Variants in MMAB observed in about 807,000 individuals in gnomAD.
The protein encoded by MMAB is corrinoid adenosyltransferase MMAB.
MMAB carries 17 observed loss-of-function variants against 30.6 expected under a neutral mutation model. That is an observed-to-expected ratio of 0.56 (90% confidence interval 0.38 to 0.83). The LOEUF is 0.83. MMAB is among the 40% of genes least tolerant of loss of function. MMAB has a pLI of 0.00. For synonymous variants in MMAB, 134 were observed against 138.6 expected (o/e 0.97, Z 0.23); for missense variants, 311 against 331.6 (o/e 0.94, Z 0.48).
intron 7 of MMAB, 146 bp downstream of exon 7, chr12:109,560,894 A>C: frequency 1.3e-6 from 1 of 795,466 alleles, no homozygotes; most frequent in Non-Finnish European, 2.1e-6. Context: ...TGGCTCAGAG[A>C]TGGCCCTGCT....
In MMAB at chr12:109,561,199, C is replaced by T. The variant is rs773108775; in HGVS notation, c.520-95G>A. 5.7e-6 allele frequency: 9 copies of T among 1,592,712 alleles called. No homozygotes were observed. Among genetic ancestry groups the T allele is most frequent in the Admixed American group, 3.3e-5 (2 of 59,980 alleles). Reference sequence around the variant, plus strand: ...TGAAGTCCAGCCCTGCCCCCCAAACCGGGCAGTGTTCTGCCTCCAGGAGCC... The same window carrying T: ...TGAAGTCCAGCCCTGCCCCCCAAACTGGGCAGTGTTCTGCCTCCAGGAGCC... On this transcript the variant is annotated intron_variant, in intron 6 of 8. Coordinates refer to ENST00000545712, the MANE Select transcript of MMAB (RefSeq NM_052845.4). This position sits in a 1 kb window ranked among gnomAD's most constrained non-coding sequence, Gnocchi z 5.3.
rs1465138175 is a variant in MMAB, at chr12:109,561,462, C to T, written c.477G>A (p.Lys159=). Residue 159 remains lysine (K), a synonymous_variant, in exon 6 of 9, where the codon AAG becomes AAA. Transcript: ENST00000545712. This position sits in a 1 kb window ranked among gnomAD's most constrained non-coding sequence, Gnocchi z 5.3. ...PILELEQWID[K]YTSQLPPLTA... ...TGAGTGGTGGGAGCTGGCTGGTGTA[C>T]TTGTCGATCCACTGCTCCAGCTCCA... The T allele has an allele frequency of 6.4e-7, 1 of 1,550,626 alleles. No homozygotes were observed. Among genetic ancestry groups the T allele is most frequent in the Non-Finnish European group, 8.7e-7 (1 of 1,146,982 alleles).
rs1053960970 is a variant in MMAB at position 109,556,727 on chromosome 12, G to A, written c.*301C>T. The A allele has an allele frequency of 4.0e-5, 20 of 503,242 alleles. No homozygotes were observed. Among genetic ancestry groups the A allele is most frequent in the African/African-American group, 2.8e-4 (14 of 50,638 alleles). 31.2% of individuals were successfully genotyped at this position (503,242 alleles called of 1,614,324 possible). A position where few individuals can be genotyped will look rare whatever the true frequency, so the allele number is the denominator to read the frequency against. On this transcript the variant is annotated 3_prime_UTR_variant, in exon 9 of 9. Transcript: ENST00000545712. ...CCTTTCCAACTTTTATTCCTTTTCCGCACAGCTCCTTCTCATTGCAGCAAT... is the reference window on the plus strand; with the variant it reads ...CCTTTCCAACTTTTATTCCTTTTCCACACAGCTCCTTCTCATTGCAGCAAT...
At chr12:109,571,822 C>G in intron 1 of MMAB, 112 bp from the exon 2 acceptor site, 2 of 825,768 alleles carry the variant, frequency 2.4e-6, no homozygotes, top group Non-Finnish European at 4.2e-6. Flanking sequence ...AGCACTTACC[C>G]CTTACTGCTT....
chr12:109,570,597 T>C (rs1332263265), intron 2 of MMAB, among the ~76,000 whole-genome samples: 2 of 152,184 alleles, frequency 1.3e-5, no homozygotes, highest in African/African-American at 4.8e-5. Context: ...CTTGGTGCGG[T>C]AGCTCATGCC....
Position 109,573,212 on chromosome 12 carries a change from A to G in MMAB, c.134+135T>C, listed in dbSNP as rs932839935. ...TGGCGCCCACGTGGCCCACGTTGCC[A>G]TGGTGACGTCAGAACAGCGTGGAGA... On this transcript the variant is annotated intron_variant, in intron 1 of 8. Transcript: ENST00000545712. 6.5e-6 allele frequency: 8 copies of G among 1,227,368 alleles called. No homozygotes were observed. In the Admixed American group the frequency reaches 7.7e-5, roughly 12 times the overall value. 76.0% of individuals were successfully genotyped at this position (1,227,368 alleles called of 1,614,324 possible). A position where few individuals can be genotyped will look rare whatever the true frequency, so the allele number is the denominator to read the frequency against.
In MMAB at chr12:109,553,750, G is replaced by A; in HGVS notation, c.*3278C>T. 1 of 416,902 alleles carries A rather than the reference G, an allele frequency of 2.4e-6. No homozygotes were observed. The highest frequency in any genetic ancestry group is 4.8e-6 in the Non-Finnish European group (1 of 206,660). 25.8% of individuals were successfully genotyped at this position (416,902 alleles called of 1,614,324 possible). ...ATTCATGCGGAATTTATTATACAAAGAATTTTATTCAATTAAACTTGAAAT... is the reference window on the plus strand; with the variant it reads ...ATTCATGCGGAATTTATTATACAAAAAATTTTATTCAATTAAACTTGAAAT... On this transcript the variant is annotated 3_prime_UTR_variant, in exon 9 of 9. Coordinates refer to ENST00000545712, the MANE Select transcript of MMAB (RefSeq NM_052845.4).
chr12:109,561,045 CTCG>C lies in MMAB; in HGVS notation c.576_578del (p.Glu193del). On this transcript the variant is annotated inframe_deletion, in exon 7 of 9. Coordinates refer to ENST00000545712, the MANE Select transcript of MMAB (RefSeq NM_052845.4). The surrounding 1 kb of genome is among the most constrained non-coding windows in gnomAD (Gnocchi z 5.3). ...CCTCTCTCCAGCCCTCTTACCGTCT[CTCG>C]GCCCGGCGGCACACGGCCCGGCAGA... 6.2e-7 allele frequency: 1 copy of C among 1,602,864 alleles called. No individual in the cohort carries two copies. The highest frequency in any genetic ancestry group is 1.1e-5 in the South Asian group (1 of 90,970).
At chr12:109,571,747 G>A in intron 1 of MMAB, 37 bp from the exon 2 acceptor site, 4 of 1,586,314 alleles carry the variant, frequency 2.5e-6, no homozygotes, top group Non-Finnish European at 3.5e-6. Context: ...GGTGAGTGGG[G>A]ATGGCTTACA....
At position 109,554,342 on chromosome 12, in the gene MMAB, A is replaced by G. The variant is rs1356352541; in HGVS notation, c.*2686T>C. Reference sequence around the variant, plus strand: ...CTCTCTGACACAAGAGCCAACTGCCAGCTTGTCTCTGGAAATGACACTAAA... The same window carrying G: ...CTCTCTGACACAAGAGCCAACTGCCGGCTTGTCTCTGGAAATGACACTAAA... On this transcript the variant is annotated 3_prime_UTR_variant, in exon 9 of 9. Transcript: ENST00000545712. 4.4e-6 allele frequency: 2 copies of G among 453,994 alleles called. No individual in the cohort carries two copies. The highest frequency in any genetic ancestry group is 4.4e-6 in the Non-Finnish European group (1 of 226,804). The allele number at this position is 453,994 out of a possible 1,614,324, so 28.1% of individuals were successfully genotyped here.
In MMAB at chr12:109,554,409, T is replaced by A. The variant is rs778528128; in HGVS notation, c.*2619A>T. On this transcript the variant is annotated 3_prime_UTR_variant, in exon 9 of 9. Coordinates refer to ENST00000545712, the MANE Select transcript of MMAB (RefSeq NM_052845.4). ...GCCTGACCTGGAGGCGGAGGAGGCA[T>A]TTTCATGGGTGCAAAATGTAAGGAA... 18 of 453,900 alleles carry A rather than the reference T, an allele frequency of 4.0e-5. No homozygotes were observed. The highest frequency in any genetic ancestry group is 7.9e-5 in the Non-Finnish European group (18 of 226,782). The allele number at this position is 453,900 out of a possible 1,614,324, so 28.1% of individuals were successfully genotyped here. A position where few individuals can be genotyped will look rare whatever the true frequency, so the allele number is the denominator to read the frequency against.
At chr12:109,570,866 C>A (rs1206472908) in intron 2 of MMAB, among the ~76,000 whole-genome samples, 25 of 100,100 alleles carry the variant, frequency 2.5e-4, no homozygotes, top group African/African-American at 9.2e-4. Context: ...AGAGTAAAAC[C>A]CTGTATCAAA....
intron 7 of MMAB, among the ~76,000 whole-genome samples, chr12:109,559,904 C>T (rs759004670): frequency 2.6e-5 from 4 of 152,242 alleles, no homozygotes; most frequent in South Asian, 2.1e-4. Flanking sequence ...GCATGCTCAG[C>T]GAGGAGCTTC....
chr12:109,573,391 G>C lies in MMAB; in HGVS notation c.90C>G (p.Pro30=), dbSNP rs977547060. The C allele has an allele frequency of 6.2e-7, 1 of 1,612,442 alleles. No homozygotes were observed. Among genetic ancestry groups the C allele is most frequent in the Non-Finnish European group, 8.5e-7 (1 of 1,179,792 alleles). Residue 30 remains proline (P), a synonymous_variant, in exon 1 of 9, where the codon CCC becomes CCG. Transcript: ENST00000545712. The part of the protein sequence containing the change: ...GCFGAARLLY[P]RFQSRGPQGV... ...CCTGAGGGCCGCGGCTCTGGAAACGGGGATACAGGAGCCTGGCGGCGCCGA... is the reference window on the plus strand; with the variant it reads ...CCTGAGGGCCGCGGCTCTGGAAACGCGGATACAGGAGCCTGGCGGCGCCGA...
rs1233448346 is a variant in MMAB, at chr12:109,569,313, TTGG to T, written c.197-453_197-451del. On this transcript the variant is annotated intron_variant, in intron 2 of 8. Transcript: ENST00000545712. This position sits in a 1 kb window ranked among gnomAD's most constrained non-coding sequence, Gnocchi z 4.1. ...AGTGCTCAAATCGTAAGTGTGCAAG[TTGG>T]TGAATTACTACTAACTGAATATACC... is the stretch of plus-strand genomic sequence containing the variant. Among the ~76,000 whole-genome samples, 1 of 152,114 alleles carries T rather than the reference TTGG, an allele frequency of 6.6e-6. No homozygotes were observed. Among genetic ancestry groups the T allele is most frequent in the Non-Finnish European group, 1.5e-5 (1 of 68,020 alleles).
Position 109,555,138 on chromosome 12 carries a change from G to A in MMAB, c.*1890C>T. 1 of 451,870 alleles carries A rather than the reference G, an allele frequency of 2.2e-6. No homozygotes were observed. Among genetic ancestry groups the A allele is most frequent in the South Asian group, 1.6e-5 (1 of 64,394 alleles). 28.0% of individuals were successfully genotyped at this position (451,870 alleles called of 1,614,324 possible). ...TGCTTTCCCATGGCTAGGCATGCAG[G>A]GCTGCTGTGTTATTTTATATATATA... On this transcript the variant is annotated 3_prime_UTR_variant, in exon 9 of 9. Coordinates refer to ENST00000545712, the MANE Select transcript of MMAB (RefSeq NM_052845.4).
Position 109,561,458 on chromosome 12 carries a change from T to C in MMAB, c.481A>G (p.Thr161Ala). The change falls in exon 6 of 9, where the codon ACC (threonine) becomes GCC (alanine). Residue 161 changes from threonine (T) to alanine (A), a missense_variant. Physicochemically the swap from Thr to Ala is moderately conservative, Grantham distance 58. Transcript: ENST00000545712. The surrounding 1 kb of genome is among the most constrained non-coding windows in gnomAD (Gnocchi z 5.3). Reference sequence around the variant, plus strand: ...GCCGTGAGTGGTGGGAGCTGGCTGGTGTACTTGTCGATCCACTGCTCCAGC... The same window carrying C: ...GCCGTGAGTGGTGGGAGCTGGCTGGCGTACTTGTCGATCCACTGCTCCAGC... Reference protein sequence around the residue: ...LELEQWIDKYTSQLPPLTAFI... With the variant: ...LELEQWIDKYASQLPPLTAFI... 12 of 1,550,284 alleles carry C rather than the reference T, an allele frequency of 7.7e-6. No homozygotes were observed. The highest frequency in any genetic ancestry group is 2.4e-5 in the East Asian group (1 of 40,898).
At chr12:109,566,998 C>G in intron 3 of MMAB, 1 of 456,010 alleles carries the variant, frequency 2.2e-6, no homozygotes, top group Non-Finnish European at 4.4e-6. Flanking sequence ...ATTATCTGTC[C>G]CGAAAATCTC....
chr12:109,562,428 A>T (rs1393693682), intron 4 of MMAB, among the ~76,000 whole-genome samples: 1 of 152,212 alleles, frequency 6.6e-6, no homozygotes, highest in African/African-American at 2.4e-5. Context: ...TTTCAGCACA[A>T]CATCTTCGTT....
Sources: gnomAD v4.1 joint callset for allele counts (sites outside exome capture counted in the v4.1 genomes callset) on GRCh38, gnomAD v4.1.1 for gene constraint, Gnocchi (gnomAD v3.1) non-coding constraint, MANE v1.5 for transcripts, NCBI Gene and HGNC (gene_info 2026-07-23, HGNC 2026-07-21) for gene names.